Variants in MASP1 observed in about 807,000 individuals in gnomAD.
MASP1 encodes mannan-binding lectin serine protease 1.
MASP1 carries 59 observed loss-of-function variants against 77.1 expected under a neutral mutation model. The ratio of observed to expected loss-of-function variants is 0.77; its 90% CI spans 0.62 to 0.95. The LOEUF (loss-of-function observed/expected upper bound fraction) is 0.95. Ranked by LOEUF, MASP1 falls within the 40% of genes least tolerant of loss-of-function variation. The pLI is 0.00. For synonymous variants in MASP1, 362 were observed against 354.5 expected (o/e 1.02, Z -0.24); for missense variants, 885 against 912.9 (o/e 0.97, Z 0.39).
intron 5 of MASP1, among the ~76,000 whole-genome samples, chr3:187,254,728 G>A (rs1219001038): frequency 6.6e-6 from 1 of 152,140 alleles, no homozygotes; most frequent in Non-Finnish European, 1.5e-5. Flanking sequence ...TGAGTTTGCA[G>A]GAGGTTGGGG....
chr3:187,224,642 G>A (rs571721298), intron 13 of MASP1, among the ~76,000 whole-genome samples: 151 of 152,114 alleles, frequency 9.9e-4, no homozygotes, highest in Middle Eastern at 3.4e-3. Context: ...CACCGCGCCC[G>A]GCCTGTGCTG....
intron 14 of MASP1, chr3:187,223,063 G>A (rs1712162477): frequency 1.1e-5 from 15 of 1,400,166 alleles, no homozygotes; most frequent in South Asian, 2.3e-5. Context: ...GGAACAATAC[G>A]GAGCAGGAAG....
Position 187,250,278 on chromosome 3 carries a change from A to G in MASP1, c.1063T>C (p.Trp355Arg), listed in dbSNP as rs370498457. The change falls in exon 8 of 11, where the codon TGG (tryptophan) becomes CGG (arginine). Residue 355 changes from tryptophan to arginine, a missense_variant. By Grantham distance (101) the Trp-to-Arg change is moderately radical (BLOSUM62 -3). Coordinates refer to ENST00000296280, the MANE Select transcript of MASP1 (RefSeq NM_139125.4). ...FQIECLKDGT[W>R]SNKIPTCKIV... ...TTACAGGTGGGAATCTTGTTACTCC[A>G]CGTCCCATCCTTCAGACACTCAATC... The G allele has an allele frequency of 6.2e-7, 1 of 1,613,982 alleles. No individual in the cohort carries two copies. The highest frequency in any genetic ancestry group is 8.5e-7 in the Non-Finnish European group (1 of 1,179,884).
intron 8 of MASP1, among the ~76,000 whole-genome samples, chr3:187,249,816 C>A (rs1714410166): frequency 2.6e-5 from 4 of 152,294 alleles, no homozygotes; most frequent in African/African-American, 9.6e-5. Context: ...GCCCTTCCTG[C>A]ACAGCCCTAA....
intron 13 of MASP1, among the ~76,000 whole-genome samples, chr3:187,224,399 T>C (rs1433119283): frequency 1.4e-5 from 2 of 138,464 alleles, no homozygotes; most frequent in South Asian, 2.3e-4. Context: ...CAGGCTGGAG[T>C]GCAGTGGCGG....
At position 187,241,622 on chromosome 3, in the gene MASP1, A is replaced by G. The variant is rs987880285; in HGVS notation, c.1229-67T>C. On this transcript the variant is annotated intron_variant, in intron 9 of 10. Coordinates refer to ENST00000296280, the MANE Select transcript of MASP1 (RefSeq NM_139125.4). ...TTGATTTGTAACACATGGAAAATAG[A>G]TCTGGGTATTTAATTTCTCTAAAGT... is the stretch of plus-strand genomic sequence containing the variant. 6.7e-6 allele frequency: 7 copies of G among 1,041,008 alleles called. No individual in the cohort carries two copies. In the African/African-American group the frequency reaches 1.1e-4, roughly 16 times the overall value. The allele number at this position is 1,041,008 out of a possible 1,614,324, so 64.5% of individuals were successfully genotyped here.
In MASP1 at chr3:187,235,912, G is replaced by C. The variant is rs139958520; in HGVS notation, c.1959C>G (p.Tyr653Ter). 6.2e-7 allele frequency: 1 copy of C among 1,614,226 alleles called. No individual in the cohort carries two copies. Among genetic ancestry groups the C allele is most frequent in the South Asian group, 1.1e-5 (1 of 91,088 alleles). The change falls in exon 11 of 11, where the codon TAC becomes TAG. Residue 653 changes from tyrosine to a stop codon, truncating the protein, a stop_gained. Transcript: ENST00000296280. LOFTEE classifies it high-confidence loss of function. ...VTENMFCAGY[Y>*]EGGKDTCLGD... ...CAAGGCACGTGTCTTTGCCGCCCTC[G>C]TAGTAGCCAGCACAGAACATGTTCT...
rs776741071 is a variant in MASP1, at chr3:187,236,431, C to T, written c.1440G>A (p.Trp480Ter). 2.5e-6 allele frequency: 4 copies of T among 1,614,226 alleles called. No individual in the cohort carries two copies. The highest frequency in any genetic ancestry group is 2.5e-6 in the Non-Finnish European group (3 of 1,180,052). Residue 480 changes from tryptophan to a stop codon, truncating the protein, a stop_gained, in exon 11 of 11, where the codon TGG becomes TGA. Transcript: ENST00000296280. LOFTEE classifies it high-confidence loss of function. The part of the protein sequence containing the change: ...EDTSRVPNDK[W>*]FGSGALLSAS... ...CAGAGAGCAGGGCCCCACTCCCAAA[C>T]CACTTGTCATTTGGCACTCTCGAAG...
At chr3:187,252,640 T>C (rs1343169206) in intron 6 of MASP1, among the ~76,000 whole-genome samples, 2 of 152,218 alleles carry the variant, frequency 1.3e-5, no homozygotes, top group Non-Finnish European at 2.9e-5. Flanking sequence ...CTTGGGTTCC[T>C]ACAGACCAGT....
At chr3:187,241,662 T>C in intron 9 of MASP1, 107 bp from the exon 10 acceptor site, 1 of 784,344 alleles carries the variant, frequency 1.3e-6, no homozygotes, top group South Asian at 1.4e-5. Context: ...TATTACAAAG[T>C]CCTCCAAATG....
At chr3:187,261,414 T>A (rs1715566593) in intron 3 of MASP1, among the ~76,000 whole-genome samples, 1 of 152,238 alleles carries the variant, frequency 6.6e-6, no homozygotes, top group African/African-American at 2.4e-5. Flanking sequence ...GTCCTAGGCA[T>A]TTGAATGTAC....
intron 10 of MASP1, among the ~76,000 whole-genome samples, chr3:187,239,451 TCA>T (rs1381481190): frequency 6.6e-6 from 1 of 152,180 alleles, no homozygotes; most frequent in Non-Finnish European, 1.5e-5. Flanking sequence ...TTACCAAAGA[TCA>T]CAGTTAGGAA....
intron 8 of MASP1, chr3:187,247,455 A>G: frequency 6.4e-7 from 1 of 1,553,152 alleles, no homozygotes; most frequent in Non-Finnish European, 8.9e-7. Context: ...AGGAAGAGAA[A>G]GAGAGAGAGA....
chr3:187,218,066 T>A (rs1711856348), exon 16 of MASP1: 1 of 152,242 alleles, frequency 6.6e-6, no homozygotes, highest in South Asian at 2.1e-4. Flanking sequence ...TCCTCCGTCT[T>A]ACCTGTGGAC....
At position 187,253,174 on chromosome 3, in the gene MASP1, C is replaced by T. The variant is rs1440793375; in HGVS notation, c.886G>A (p.Ala296Thr). ...ENRGWRLSYR[A>T]AGNECPELQP... ...CTGGGAGGGAAGAGGTTACCTGCAGCCCTGTATGAGAGCCTCCAGCCCCGG... is the reference window on the plus strand; with the variant it reads ...CTGGGAGGGAAGAGGTTACCTGCAGTCCTGTATGAGAGCCTCCAGCCCCGG... The change falls in exon 6 of 11, where the codon GCT becomes ACT. Residue 296 changes from alanine to threonine, a missense_variant. Transcript: ENST00000296280. 2 of 1,613,950 alleles carry T rather than the reference C, an allele frequency of 1.2e-6. No homozygotes were observed.
downstream of MASP1, chr3:187,229,827 G>A (rs1214187769): frequency 6.2e-7 from 1 of 1,614,180 alleles, no homozygotes; most frequent in Non-Finnish European, 8.5e-7. Context: ...AGGGAGTGGT[G>A]CCTTTCTGGG....
At chr3:187,289,564 G>A (rs183814280) in intron 1 of MASP1, among the ~76,000 whole-genome samples, 194 of 152,302 alleles carry the variant, frequency 1.3e-3, no homozygotes, top group Non-Finnish European at 1.0e-3. Flanking sequence ...ATGGCTTTAC[G>A]TAAAAAATTT....
chr3:187,264,882 A>G (rs1465648443), intron 2 of MASP1, among the ~76,000 whole-genome samples: 1 of 152,146 alleles, frequency 6.6e-6, no homozygotes, highest in Non-Finnish European at 1.5e-5. Context: ...AGAGTACACC[A>G]TCTTGGTGAC....
At chr3:187,244,572 G>A (rs1713927912) in intron 8 of MASP1, 1 of 152,220 alleles carries the variant, frequency 6.6e-6, no homozygotes, top group Non-Finnish European at 1.5e-5. Flanking sequence ...CCTGAAGTAG[G>A]CAATCTAGAA....
Sources: allele counts gnomAD v4.1 joint callset (sites outside exome capture counted in the v4.1 genomes callset), GRCh38; gene constraint gnomAD v4.1.1; transcripts MANE v1.5; gene names NCBI Gene and HGNC (gene_info 2026-07-23, HGNC 2026-07-21).